STK3: variants seen among roughly 807,000 people sequenced by gnomAD.
The protein encoded by STK3 is serine/threonine-protein kinase 3.
In STK3, 41 loss-of-function variants were observed where a neutral mutation model predicts 58.0. The ratio of observed to expected loss-of-function variants is 0.71; its 90% CI spans 0.55 to 0.92. The LOEUF is 0.92. Among genes scored for constraint, STK3 ranks in the 40% least tolerant of loss-of-function variants. The pLI is 0.00. For missense variants in STK3, 479 were observed against 602.7 expected (o/e 0.79, Z 2.15); for synonymous variants, 170 against 191.0 (o/e 0.89, Z 0.91).
At chr8:98,634,904 G>A (rs945393193) in intron 6 of STK3, among the ~76,000 whole-genome samples, 13 of 152,088 alleles carry the variant, frequency 8.5e-5, no homozygotes, top group Admixed American at 5.2e-4. Flanking sequence ...CTACAGGCAT[G>A]CGTTTTTATA....
intron 3 of STK3, among the ~76,000 whole-genome samples, chr8:98,844,600 GGATTA>G (rs1836125553): frequency 3.3e-5 from 5 of 152,050 alleles, no homozygotes; most frequent in African/African-American, 1.2e-4. Context: ...CCAGTAGCTG[GGATTA>G]CAGGCCCGCA....
chr8:98,766,944 GA>G (rs1830985901), intron 3 of STK3, among the ~76,000 whole-genome samples: 1 of 152,044 alleles, frequency 6.6e-6, no homozygotes, highest in African/African-American at 2.4e-5. Flanking sequence ...CCAACATGGA[GA>G]AACCCATCTC....
At chr8:98,934,775 G>A (rs934075736) in intron 1 of STK3, among the ~76,000 whole-genome samples, 3 of 152,094 alleles carry the variant, frequency 2.0e-5, no homozygotes, top group African/African-American at 4.8e-5. Flanking sequence ...AATCAGCCAG[G>A]TGTGGTGGCA....
At chr8:98,616,944 T>G (rs1047377719) in intron 6 of STK3, among the ~76,000 whole-genome samples, 19 of 152,144 alleles carry the variant, frequency 1.2e-4, no homozygotes, top group Middle Eastern at 3.4e-3. Context: ...ATTTAACTCA[T>G]CTCCGCACCA....
At chr8:98,851,429 C>T (rs921241011) in intron 3 of STK3, among the ~76,000 whole-genome samples, 63 of 152,180 alleles carry the variant, frequency 4.1e-4, no homozygotes, top group African/African-American at 1.4e-3. Context: ...TCAGATATGA[C>T]CATTCTCTGA....
chr8:98,829,952 C>T (rs1050125500), upstream of STK3, among the ~76,000 whole-genome samples: 2 of 151,348 alleles, frequency 1.3e-5, no homozygotes, highest in Non-Finnish European at 2.9e-5. Context: ...AGAGGCCGGA[C>T]GTGGTGGCTC....
At chr8:98,639,256 C>T (rs1026625780) in intron 6 of STK3, among the ~76,000 whole-genome samples, 2 of 151,994 alleles carry the variant, frequency 1.3e-5, no homozygotes, top group African/African-American at 4.8e-5. Flanking sequence ...ACTACAGGCG[C>T]ATGCCACCAC....
At chr8:98,793,141 A>G (rs1832912901) in intron 1 of STK3, among the ~76,000 whole-genome samples, 1 of 152,182 alleles carries the variant, frequency 6.6e-6, no homozygotes, top group Non-Finnish European at 1.5e-5. Flanking sequence ...ACGCAAAGGC[A>G]TAAGAATGAC....
chr8:98,800,178 G>A lies in STK3; in HGVS notation c.26+25337C>T, dbSNP rs1018907127. Reference sequence around the variant, plus strand: ...TCCTTGTTTTGTTTCCTCTAGAATTGAGGCCACCAAGCTACAGATGGTCTT... The same window carrying A: ...TCCTTGTTTTGTTTCCTCTAGAATTAAGGCCACCAAGCTACAGATGGTCTT... On this transcript the variant is annotated intron_variant, in intron 1 of 10. Coordinates refer to ENST00000419617, the MANE Select transcript of STK3 (RefSeq NM_006281.4). The surrounding 1 kb of genome is among the most constrained non-coding windows in gnomAD (Gnocchi z 4.8). Among the ~76,000 whole-genome samples, 2 of 152,054 alleles carry A rather than the reference G, an allele frequency of 1.3e-5. No individual in the cohort carries two copies. Among genetic ancestry groups the A allele is most frequent in the African/African-American group, 4.8e-5 (2 of 41,370 alleles).
chr8:98,584,179 T>C (rs1230303779), intron 7 of STK3, among the ~76,000 whole-genome samples: 1 of 152,074 alleles, frequency 6.6e-6, no homozygotes, highest in Non-Finnish European at 1.5e-5. Context: ...ACATGTGCCA[T>C]GCTGGTGCGC....
At chr8:98,431,885 A>G (rs1413754207) in intron 3 of STK3, 2 of 167,044 alleles carry the variant, frequency 1.2e-5, no homozygotes, top group African/African-American at 2.4e-5. Flanking sequence ...ATCTTGCCCA[A>G]CTGGACCTTT....
the STK3 span, among the ~76,000 whole-genome samples, chr8:98,362,889 G>T: frequency 1.3e-5 from 2 of 152,248 alleles, no homozygotes; most frequent in African/African-American, 4.8e-5. Context: ...TATTCTGCAG[G>T]TCTAATTTGG....
upstream of STK3, among the ~76,000 whole-genome samples, chr8:98,392,170 C>A (rs910710034): frequency 2.6e-5 from 4 of 152,192 alleles, no homozygotes; most frequent in Admixed American, 1.3e-4. Context: ...ACTTGACTTT[C>A]TCTTGCAGTT....
intron 6 of STK3, among the ~76,000 whole-genome samples, chr8:98,654,479 G>A (rs989511898): frequency 6.6e-6 from 1 of 152,098 alleles, no homozygotes; most frequent in African/African-American, 2.4e-5. Context: ...GGAAGTTCTG[G>A]CCAGGGCAAT....
At chr8:98,493,846 A>G (rs550477955) in intron 10 of STK3, among the ~76,000 whole-genome samples, 1 of 152,322 alleles carries the variant, frequency 6.6e-6, no homozygotes, top group East Asian at 1.9e-4. Flanking sequence ...GAATGGATCC[A>G]CCAACCCCTC....
intron 6 of STK3, among the ~76,000 whole-genome samples, chr8:98,607,141 CA>C (rs2130143710): frequency 6.6e-6 from 1 of 152,246 alleles, no homozygotes; most frequent in East Asian, 1.9e-4. Context: ...TCAAACATAG[CA>C]AAATAGTGAA....
chr8:98,627,040 T>C (rs1176181819), intron 6 of STK3, among the ~76,000 whole-genome samples: 1 of 152,184 alleles, frequency 6.6e-6, no homozygotes, highest in Non-Finnish European at 1.5e-5. Flanking sequence ...TGGAAAAACA[T>C]TCCATGCCAC....
chr8:98,449,328 C>G (rs748423041), intron 1 of STK3, among the ~76,000 whole-genome samples: 34 of 152,122 alleles, frequency 2.2e-4, no homozygotes, highest in Non-Finnish European at 3.8e-4. Flanking sequence ...AGTGGAAGAA[C>G]CCATGCCTCC....
At chr8:98,524,842 A>G (rs1204794210) in intron 10 of STK3, among the ~76,000 whole-genome samples, 4 of 152,250 alleles carry the variant, frequency 2.6e-5, no homozygotes, top group Non-Finnish European at 5.9e-5. Context: ...AACCCCAGGT[A>G]AGCCCAGCAG....
Sources: gnomAD v4.1 joint callset for allele counts (sites outside exome capture counted in the v4.1 genomes callset) on GRCh38, gnomAD v4.1.1 for gene constraint, Gnocchi (gnomAD v3.1) non-coding constraint, MANE v1.5 for transcripts, NCBI Gene and HGNC (gene_info 2026-07-23, HGNC 2026-07-21) for gene names.